RGP1: variants seen among roughly 807,000 people sequenced by gnomAD.
The protein encoded by RGP1 is RGP1 partner of RAB6A GEF complex.
Under a neutral mutation model 44.5 loss-of-function variants are expected in RGP1, and 28 were observed. The ratio of observed to expected loss-of-function variants is 0.63; its 90% CI spans 0.47 to 0.86. RGP1 has a LOEUF of 0.86. Ranked by LOEUF, RGP1 falls within the 40% of genes least tolerant of loss-of-function variation. The probability of loss-of-function intolerance (pLI) is 0.00; values close to 1 mark genes in which losing one functional copy is unlikely to be tolerated. For missense variants in RGP1, 417 were observed against 490.7 expected (o/e 0.85, Z 1.42); for synonymous variants, 212 against 196.7 (o/e 1.08, Z -0.65).
Position 35,750,649 on chromosome 9 carries a change from C to G in RGP1, c.254-9C>G. The G allele has an allele frequency of 6.2e-7, 1 of 1,613,714 alleles. No homozygotes were observed. Among genetic ancestry groups the G allele is most frequent in the Non-Finnish European group, 8.5e-7 (1 of 1,179,658 alleles). On this transcript the variant is annotated splice_polypyrimidine_tract_variant and intron_variant, in intron 3 of 8. Transcript: ENST00000378078. The stretch of plus-strand genomic sequence containing the variant: ...GGGTCATTAAATTAGTCATTTTTAC[C>G]TTTTTCAGGTGAGAGGGGCCAGTGT...
chr9:35,776,976 CAG>C, the RGP1 span, among the ~76,000 whole-genome samples: 1 of 138,566 alleles, frequency 7.2e-6, no homozygotes, highest in African/African-American at 2.7e-5. Context: ...GCCTGGGTGA[CAG>C]AGTGAGACTC....
At chr9:35,773,604 C>T in the RGP1 span, among the ~76,000 whole-genome samples, 9 of 151,642 alleles carry the variant, frequency 5.9e-5, no homozygotes, top group South Asian at 2.1e-4. Flanking sequence ...TGGATTCAAG[C>T]GATTCTCCTG....
At chr9:35,768,957 G>A in the RGP1 span, among the ~76,000 whole-genome samples, 1 of 152,240 alleles carries the variant, frequency 6.6e-6, no homozygotes, top group Non-Finnish European at 1.5e-5. Flanking sequence ...AGATGCACAA[G>A]ACCTTCATGT....
At chr9:35,781,994 T>G in the RGP1 span, among the ~76,000 whole-genome samples, 4 of 146,592 alleles carry the variant, frequency 2.7e-5, no homozygotes, top group East Asian at 2.0e-4. Context: ...TTTTTTTTTT[T>G]TTTTTTTTTT....
chr9:35,749,463 G>T lies in RGP1; in HGVS notation c.-20+55G>T. On this transcript the variant is annotated intron_variant, in intron 1 of 8. Coordinates refer to ENST00000378078, the MANE Select transcript of RGP1 (RefSeq NM_001080496.3). The surrounding 1 kb of genome is among the most constrained non-coding windows in gnomAD (Gnocchi z 4.4). ...ACGTGGAACTTTGAGGAAAGGGGGA[G>T]CGGAGGCCAGTTTGGGAACTCCGCG... is the stretch of plus-strand genomic sequence containing the variant. 1 of 625,108 alleles carries T rather than the reference G, an allele frequency of 1.6e-6. No individual in the cohort carries two copies. The highest frequency in any genetic ancestry group is 3.1e-6 in the Non-Finnish European group (1 of 320,748). 38.7% of individuals were successfully genotyped at this position (625,108 alleles called of 1,614,324 possible).
At chr9:35,758,631 C>T (rs746982876), downstream of RGP1, 4 of 152,228 alleles carry the variant, frequency 2.6e-5, no homozygotes, top group South Asian at 2.1e-4. Context: ...TGCACTCTCC[C>T]GTGCTGTTTT....
the RGP1 span, among the ~76,000 whole-genome samples, chr9:35,774,929 T>G: frequency 6.6e-6 from 1 of 152,106 alleles, no homozygotes; most frequent in Non-Finnish European, 1.5e-5. Context: ...TTCAGCAGCC[T>G]CCTCCCCATA....
chr9:35,759,934 T>C (rs1247057321), downstream of RGP1, among the ~76,000 whole-genome samples: 1 of 151,186 alleles, frequency 6.6e-6, no homozygotes, highest in African/African-American at 2.4e-5. Flanking sequence ...TTTTTTTTCA[T>C]TTTTTGTGCC....
the RGP1 span, among the ~76,000 whole-genome samples, chr9:35,789,009 T>C: frequency 3.3e-5 from 5 of 152,168 alleles, no homozygotes; most frequent in African/African-American, 7.2e-5. Flanking sequence ...TAGTTTTTAC[T>C]TATGTTTTCT....
downstream of RGP1, among the ~76,000 whole-genome samples, chr9:35,762,760 A>G (rs963571755): frequency 6.6e-6 from 1 of 152,042 alleles, no homozygotes; most frequent in Non-Finnish European, 1.5e-5. Context: ...CCTTTTACCT[A>G]TGCTTCAACC....
chr9:35,752,521 C>T lies in RGP1; in HGVS notation c.953-130C>T, dbSNP rs1432255488. ...TCAGAAAAACCCTTAATCACAGCTC[C>T]CTGCCCTGTGACTTTTCCCTGTCTT... On this transcript the variant is annotated intron_variant, in intron 8 of 8. Transcript: ENST00000378078. The T allele has an allele frequency of 4.9e-6, 4 of 824,058 alleles. No individual in the cohort carries two copies. The African/African-American group carries it at 5.1e-5, about 10-fold the overall frequency. 51.0% of individuals were successfully genotyped at this position (824,058 alleles called of 1,614,324 possible). A position where few individuals can be genotyped will look rare whatever the true frequency, so the allele number is the denominator to read the frequency against.
At chr9:35,769,146 C>T in the RGP1 span, among the ~76,000 whole-genome samples, 1 of 152,242 alleles carries the variant, frequency 6.6e-6, no homozygotes, top group South Asian at 2.1e-4. Flanking sequence ...TGCAGGGGCA[C>T]TGCGTGCCCA....
chr9:35,783,224 T>C, the RGP1 span, among the ~76,000 whole-genome samples: 1 of 152,200 alleles, frequency 6.6e-6, no homozygotes, highest in African/African-American at 2.4e-5. Context: ...ACAATAATTA[T>C]ACATACTTAT....
rs1827332101 is a variant in RGP1, at chr9:35,754,669, C to T, written c.*1795C>T. Reference sequence around the variant, plus strand: ...GGGATGGTTAATCCTGTGCCCCAGCCAAACCCAGGAGCTGCAATAGGGTGC... The same window carrying T: ...GGGATGGTTAATCCTGTGCCCCAGCTAAACCCAGGAGCTGCAATAGGGTGC... On this transcript the variant is annotated 3_prime_UTR_variant, in exon 9 of 9. Transcript: ENST00000378078. 6.6e-6 allele frequency: 1 copy of T among 152,404 alleles called. No homozygotes were observed. Among genetic ancestry groups the T allele is most frequent in the South Asian group, 2.1e-4 (1 of 4,832 alleles). 9.4% of individuals were successfully genotyped at this position (152,404 alleles called of 1,614,324 possible).
the RGP1 span, among the ~76,000 whole-genome samples, chr9:35,778,979 A>G: frequency 6.6e-5 from 10 of 152,128 alleles, no homozygotes; most frequent in South Asian, 1.0e-3. Flanking sequence ...TTGCTTCCCC[A>G]TTGAGGAATG....
the RGP1 span, among the ~76,000 whole-genome samples, chr9:35,765,607 T>C: frequency 6.7e-6 from 1 of 148,720 alleles, no homozygotes; most frequent in African/African-American, 2.5e-5. Flanking sequence ...CAGTGAGCCA[T>C]GATCTTGCTT....
At chr9:35,750,566 C>A in intron 3 of RGP1, 92 bp from the exon 4 acceptor site, 1 of 1,419,340 alleles carries the variant, frequency 7.0e-7, no homozygotes. Flanking sequence ...GGACGGAGGG[C>A]CTGGCAGCCT....
chr9:35,760,193 A>T (rs888699584), downstream of RGP1, among the ~76,000 whole-genome samples: 1 of 152,072 alleles, frequency 6.6e-6, no homozygotes, highest in African/African-American at 2.4e-5. Context: ...GATCTCGCAT[A>T]AGTCTCTGCA....
chr9:35,783,806 C>A, the RGP1 span, among the ~76,000 whole-genome samples: 26 of 152,260 alleles, frequency 1.7e-4, 1 homozygote, highest in South Asian at 5.4e-3. Context: ...GCATAAATAC[C>A]CACTAGTGGG....
Sources: allele counts gnomAD v4.1 joint callset (sites outside exome capture counted in the v4.1 genomes callset), GRCh38; gene constraint gnomAD v4.1.1; non-coding constraint Gnocchi (gnomAD v3.1); transcripts MANE v1.5; gene names NCBI Gene and HGNC (gene_info 2026-07-23, HGNC 2026-07-21).